The following PGM2 variants were observed in gnomAD, a reference collection of about 807,000 sequenced individuals.
PGM2 encodes phosphopentomutase.
Under a neutral mutation model 74.6 loss-of-function variants are expected in PGM2, and 57 were observed. The ratio of observed to expected loss-of-function variants is 0.76; its 90% confidence interval spans 0.62 to 0.95. The LOEUF is 0.95. PGM2 is among the 40% of genes least tolerant of loss of function. The pLI is 0.00. For missense variants in PGM2, 706 were observed against 741.9 expected, an observed-to-expected ratio of 0.95 and a Z score of 0.56; for synonymous variants, 273 against 260.7, an observed-to-expected ratio of 1.05 and a Z score of -0.46.
chr4:37,847,780 C>T (rs1236162880), intron 10 of PGM2, among the ~76,000 whole-genome samples: 1 of 152,226 alleles, frequency 6.6e-6, no homozygotes, highest in Non-Finnish European at 1.5e-5. Flanking sequence ...CAGAAAAACC[C>T]TTGTCCTAAA....
At chr4:37,835,564 G>T (rs1725546659) in intron 3 of PGM2, among the ~76,000 whole-genome samples, 1 of 152,172 alleles carries the variant, frequency 6.6e-6, no homozygotes, top group South Asian at 2.1e-4. Flanking sequence ...CTGTTATGAT[G>T]AATTTTTAAT....
At chr4:37,833,053 G>C (rs189068128) in intron 2 of PGM2, among the ~76,000 whole-genome samples, 333 of 152,224 alleles carry the variant, frequency 2.2e-3, no homozygotes, top group African/African-American at 7.8e-3. Context: ...AGGAAGAGGG[G>C]TACTGTCACT....
Position 37,862,481 on chromosome 4 carries a change from A to G in PGM2, c.*869A>G, listed in dbSNP as rs1005878495. 2.6e-5 allele frequency: 4 copies of G among 152,146 alleles called. No individual in the cohort carries two copies. Among genetic ancestry groups the G allele is most frequent in the South Asian group, 2.1e-4 (1 of 4,826 alleles). 9.4% of individuals were successfully genotyped at this position (152,146 alleles called of 1,614,324 possible). On this transcript the variant is annotated 3_prime_UTR_variant, in exon 14 of 14. Transcript: ENST00000381967. ...CTTGTGTGGTCTGAAATCTAAAACT[A>G]GACTTTATTATGATAGATTTCCTAT...
In PGM2 at chr4:37,848,582, C is replaced by T. The variant is rs780161469; in HGVS notation, c.1343C>T (p.Ala448Val). 1 of 1,613,526 alleles carries T rather than the reference C, an allele frequency of 6.2e-7. No individual in the cohort carries two copies. Among genetic ancestry groups the T allele is most frequent in the Admixed American group, 1.7e-5 (1 of 60,028 alleles). ...GGAGTCAGTGCCGCTGTCATAAGTG[C>T]AGAGTTGGCTAGCTTCCTAGCAACC... ...KDGVSAAVIS[A>V]ELASFLATKN... is the part of the protein sequence containing the mutation. The change falls in exon 11 of 14, where the codon GCA (alanine) becomes GTA (valine). Residue 448 changes from alanine (A) to valine (V), a missense_variant. Ala to Val is a moderately conservative substitution (Grantham distance 64). Coordinates refer to ENST00000381967, the MANE Select transcript of PGM2 (RefSeq NM_018290.4).
At chr4:37,833,066 T>C (rs1266975913) in intron 2 of PGM2, among the ~76,000 whole-genome samples, 2 of 152,072 alleles carry the variant, frequency 1.3e-5, no homozygotes, top group African/African-American at 4.8e-5. Context: ...CTGTCACTGT[T>C]GTAAGTCTTG....
chr4:37,834,571 TA>T, intron 2 of PGM2, 46 bp from the exon 3 acceptor site: 2 of 990,198 alleles, frequency 2.0e-6, no homozygotes, highest in Admixed American at 2.1e-5. Context: ...ATGGTATATA[TA>T]AAAATATGTT....
chr4:37,843,984 C>T (rs972759810), intron 6 of PGM2, among the ~76,000 whole-genome samples: 9 of 152,078 alleles, frequency 5.9e-5, no homozygotes, highest in Non-Finnish European at 1.2e-4. Flanking sequence ...GGGAACCTGT[C>T]GCTTTGGGGA....
In PGM2 at chr4:37,834,630, T is replaced by C. The variant is rs1725517612; in HGVS notation, c.262T>C (p.Tyr88His). The C allele has an allele frequency of 6.4e-7, 1 of 1,559,950 alleles. No homozygotes were observed. The highest frequency in any genetic ancestry group is 1.4e-5 in the African/African-American group (1 of 73,514). ...IIQTTQGFCR[Y>H]LEKQFSDLKQ... The stretch of plus-strand genomic sequence containing the variant: ...GGTGTATTTGTAGGGATTTTGCAGA[T>C]ACCTGGAAAAACAATTCAGTGACTT... The change falls in exon 3 of 14, where the codon TAC becomes CAC. Residue 88 changes from tyrosine (Y) to histidine (H), a missense_variant. By Grantham distance (83) the Tyr-to-His change is moderately conservative (BLOSUM62 2). Around this residue, in one of 3 missense-constraint regions of PGM2, gnomAD observed 332 missense variants for 334.9 expected, o/e 0.99. Coordinates refer to ENST00000381967, the MANE Select transcript of PGM2 (RefSeq NM_018290.4).
chr4:37,831,245 G>T (rs1043550749), intron 2 of PGM2, among the ~76,000 whole-genome samples: 13 of 143,446 alleles, frequency 9.1e-5, no homozygotes, highest in East Asian at 2.1e-4. Flanking sequence ...GTCACAAATT[G>T]TTATTAAGCA....
intron 13 of PGM2, among the ~76,000 whole-genome samples, chr4:37,858,902 T>A (rs1711661541): frequency 6.6e-6 from 1 of 152,164 alleles, no homozygotes; most frequent in Admixed American, 6.6e-5. Context: ...ATGCAGTGAA[T>A]ACCCACACAC....
chr4:37,831,422 C>T (rs1468906940), intron 2 of PGM2, among the ~76,000 whole-genome samples: 1 of 152,172 alleles, frequency 6.6e-6, no homozygotes, highest in Non-Finnish European at 1.5e-5. Context: ...TTTAAAACAA[C>T]AACCACATTT....
intron 12 of PGM2, 46 bp from the exon 13 acceptor site, chr4:37,855,562 C>T (rs1726171131): frequency 1.9e-6 from 3 of 1,551,620 alleles, no homozygotes; most frequent in Non-Finnish European, 2.6e-6. Context: ...ATTGGTTAGG[C>T]CAGAATGTTA....
intron 6 of PGM2, among the ~76,000 whole-genome samples, chr4:37,841,100 A>ATATATGTGTGTGTGTGTG (rs1202149456): frequency 8.6e-6 from 1 of 115,752 alleles, no homozygotes; most frequent in African/African-American, 3.6e-5. Context: ...ATATATATAT[A>ATATATGTGTGTGTGTGTG]TGTGTGTGTG....
intron 12 of PGM2, among the ~76,000 whole-genome samples, chr4:37,854,396 G>A (rs1290030155): frequency 6.6e-6 from 1 of 151,002 alleles, no homozygotes; most frequent in Non-Finnish European, 1.5e-5. Context: ...TGTTACCCAG[G>A]CTGGAGTGCA....
chr4:37,850,206 G>C lies in PGM2; in HGVS notation c.1435G>C (p.Ala479Pro), dbSNP rs1190410409. The C allele has an allele frequency of 1.3e-5, 20 of 1,570,324 alleles. No homozygotes were observed. Among genetic ancestry groups the C allele is most frequent in the Non-Finnish European group, 1.6e-5 (19 of 1,160,818 alleles). ...TAGGTATGGCTACCATATTACTAAA[G>C]CTTCCTATTTTATCTGCCATGATCA... is the stretch of plus-strand genomic sequence containing the variant. Reference protein sequence around the residue: ...YVEYGYHITKASYFICHDQET... With the variant: ...YVEYGYHITKPSYFICHDQET... Residue 479 changes from alanine to proline, a missense_variant, in exon 12 of 14, where the codon GCT (alanine) becomes CCT (proline). Physicochemically the swap from Ala to Pro is conservative, Grantham distance 27. Coordinates refer to ENST00000381967, the MANE Select transcript of PGM2 (RefSeq NM_018290.4).
At chr4:37,841,188 G>GTGTGTGTGTGTGTGTGT (rs60419379) in intron 6 of PGM2, among the ~76,000 whole-genome samples, 15 of 141,284 alleles carry the variant, frequency 1.1e-4, no homozygotes, top group East Asian at 2.1e-4. Flanking sequence ...GTGTGTGTGT[G>GTGTGTGTGTGTGTGTGT]GTTTGTTCTG....
intron 2 of PGM2, among the ~76,000 whole-genome samples, chr4:37,832,072 TG>T (rs1308461443): frequency 6.6e-6 from 1 of 152,228 alleles, no homozygotes; most frequent in African/African-American, 2.4e-5. Flanking sequence ...TCATCTCCTC[TG>T]GGGGTAAACC....
At chr4:37,845,890 G>T (rs1725857775) in intron 8 of PGM2, among the ~76,000 whole-genome samples, 160 bp downstream of exon 8, 1 of 151,612 alleles carries the variant, frequency 6.6e-6, no homozygotes, top group Non-Finnish European at 1.5e-5. Context: ...CTAATGGAGA[G>T]CAAGATAGAG....
At chr4:37,831,013 G>C (rs1188417319) in intron 2 of PGM2, among the ~76,000 whole-genome samples, 1 of 151,996 alleles carries the variant, frequency 6.6e-6, no homozygotes, top group African/African-American at 2.4e-5. Context: ...GAGCAACATG[G>C]TGAAACCCTG....
Sources: allele counts gnomAD v4.1 joint callset (sites outside exome capture counted in the v4.1 genomes callset), GRCh38; gene constraint gnomAD v4.1.1; regional missense constraint gnomAD v4.1.1; transcripts MANE v1.5; gene names NCBI Gene and HGNC (gene_info 2026-07-23, HGNC 2026-07-21).